PPP1R12B: variants seen among roughly 807,000 people sequenced by gnomAD.
The protein encoded by PPP1R12B is protein phosphatase 1 regulatory subunit 12B.
PPP1R12B carries 76 observed loss-of-function variants against 126.1 expected under a neutral mutation model. The observed-to-expected ratio is 0.60, with a 90% CI of 0.50 to 0.73. The LOEUF (loss-of-function observed/expected upper bound fraction) is 0.73. Ranked by LOEUF, PPP1R12B falls within the 30% of genes least tolerant of loss-of-function variation. The pLI is 0.00. For missense variants in PPP1R12B, 1,052 were observed against 1,205.1 expected, an observed-to-expected ratio of 0.87 and a Z score of 1.88; for synonymous variants, 356 against 434.7, an observed-to-expected ratio of 0.82 and a Z score of 2.25.
At chr1:202,399,016 G>A (rs189552185) in intron 1 of PPP1R12B, among the ~76,000 whole-genome samples, 1 of 152,062 alleles carries the variant, frequency 6.6e-6, no homozygotes, top group Admixed American at 6.5e-5. Context: ...AGGGAGATGA[G>A]CTTTTGAATC....
chr1:202,495,411 T>C lies in PPP1R12B; in HGVS notation c.2264T>C (p.Phe755Ser). ...TSSHLLWTNR[F>S]SVPDSESSET... is the part of the protein sequence containing the mutation. ...TCCCACCTGCTATGGACAAATAGAT[T>C]TTCAGTCCCTGATTCTGAGAGTTCA... is the stretch of plus-strand genomic sequence containing the variant. The change falls in exon 16 of 24, where the codon TTT becomes TCT. Residue 755 changes from phenylalanine (F) to serine (S), a missense_variant. Transcript: ENST00000608999. The C allele has an allele frequency of 6.2e-7, 1 of 1,611,716 alleles. No individual in the cohort carries two copies. Among genetic ancestry groups the C allele is most frequent in the East Asian group, 2.2e-5 (1 of 44,860 alleles).
intron 3 of PPP1R12B, among the ~76,000 whole-genome samples, chr1:202,424,601 G>A (rs1398678196): frequency 3.3e-5 from 5 of 152,270 alleles, no homozygotes; most frequent in East Asian, 1.9e-4. Flanking sequence ...GGGATTACAG[G>A]CATGAGACAC....
chr1:202,511,972 G>T (rs71635585), intron 18 of PPP1R12B, among the ~76,000 whole-genome samples: 23,046 of 151,996 alleles, frequency 0.15, 2,363 homozygotes, highest in Non-Finnish European at 0.23. Context: ...CAAGTAGACA[G>T]TTGTCAACTA....
chr1:202,393,445 TC>T (rs1558170248), intron 1 of PPP1R12B, among the ~76,000 whole-genome samples: 1 of 152,116 alleles, frequency 6.6e-6, no homozygotes, highest in Non-Finnish European at 1.5e-5. Context: ...CTTTTTTTTT[TC>T]CTTGAACCAA....
At chr1:202,372,244 C>T (rs751412665) in intron 1 of PPP1R12B, among the ~76,000 whole-genome samples, 6 of 152,048 alleles carry the variant, frequency 3.9e-5, no homozygotes, top group Non-Finnish European at 8.8e-5. Context: ...TGGCTCTTAT[C>T]TGTAATCTTA....
intron 13 of PPP1R12B, among the ~76,000 whole-genome samples, chr1:202,465,870 C>T (rs914788200): frequency 3.3e-5 from 5 of 152,132 alleles, no homozygotes; most frequent in Non-Finnish European, 7.3e-5. Flanking sequence ...GCTCATTAAT[C>T]ATTGACGTGT....
At chr1:202,460,295 G>T (rs1674148376) in intron 13 of PPP1R12B, among the ~76,000 whole-genome samples, 1 of 152,194 alleles carries the variant, frequency 6.6e-6, no homozygotes, top group Admixed American at 6.5e-5. Context: ...TCAAGATACA[G>T]TGAGTACTGG....
At chr1:202,402,995 A>G (rs889935322) in intron 1 of PPP1R12B, among the ~76,000 whole-genome samples, 3 of 152,224 alleles carry the variant, frequency 2.0e-5, no homozygotes, top group Non-Finnish European at 4.4e-5. Flanking sequence ...TTAATAGTGG[A>G]CGATAGCTTG....
At chr1:202,351,051 G>C (rs139673655) in intron 1 of PPP1R12B, among the ~76,000 whole-genome samples, 10 of 151,894 alleles carry the variant, frequency 6.6e-5, no homozygotes, top group Admixed American at 2.0e-4. Flanking sequence ...AAGTATACTC[G>C]ATTCTAGACA....
At chr1:202,439,943 CAA>C (rs746216974) in intron 10 of PPP1R12B, 68 of 120,104 alleles carry the variant, frequency 5.7e-4, no homozygotes, top group Non-Finnish European at 8.3e-4. Flanking sequence ...TCCTACCCTG[CAA>C]AAAAAAAAAA....
chr1:202,529,408 C>T (rs1403063548), intron 18 of PPP1R12B, among the ~76,000 whole-genome samples: 1 of 151,758 alleles, frequency 6.6e-6, no homozygotes, highest in African/African-American at 2.4e-5. Context: ...AAATTCACAA[C>T]TATGAAGACT....
At chr1:202,519,337 T>G (rs1012523649) in intron 18 of PPP1R12B, among the ~76,000 whole-genome samples, 10 of 152,124 alleles carry the variant, frequency 6.6e-5, no homozygotes, top group African/African-American at 2.4e-4. Context: ...TGATCTTGGC[T>G]CACTGCAGTC....
rs147269496 is a variant in PPP1R12B, at chr1:202,569,344, C to T, written c.2862+147C>T. 1,276 of 805,166 alleles carry T rather than the reference C, an allele frequency of 1.6e-3. 18 individuals are homozygous for T. In the East Asian group the frequency reaches 0.032, roughly 20 times the overall value. The allele number at this position is 805,166 out of a possible 1,614,324, so 49.9% of individuals were successfully genotyped here. The stretch of plus-strand genomic sequence containing the variant: ...ATGATGTGTAAAAAAGTGAGCATCT[C>T]TCCTCAGCCATTTCCTAGGCTCTCT... On this transcript the variant is annotated intron_variant, in intron 23 of 23. Coordinates refer to ENST00000608999, the MANE Select transcript of PPP1R12B (RefSeq NM_002481.4).
chr1:202,456,269 A>C (rs1337674535), intron 13 of PPP1R12B, among the ~76,000 whole-genome samples: 1 of 145,452 alleles, frequency 6.9e-6, no homozygotes, highest in Non-Finnish European at 1.5e-5. Context: ...AATCCGTCTC[A>C]AAAAAAAAAA....
At chr1:202,486,942 G>A (rs766052219) in intron 13 of PPP1R12B, among the ~76,000 whole-genome samples, 11 of 152,124 alleles carry the variant, frequency 7.2e-5, no homozygotes, top group Non-Finnish European at 1.0e-4. Flanking sequence ...GAGAACACTC[G>A]CAATTCATAT....
At chr1:202,405,618 C>T (rs1185614341) in intron 1 of PPP1R12B, among the ~76,000 whole-genome samples, 3 of 152,076 alleles carry the variant, frequency 2.0e-5, no homozygotes, top group African/African-American at 7.2e-5. Context: ...TGAAGTAGTT[C>T]TTATGATTGG....
intron 1 of PPP1R12B, among the ~76,000 whole-genome samples, chr1:202,372,705 C>A (rs1252574649): frequency 6.6e-6 from 1 of 151,334 alleles, no homozygotes; most frequent in African/African-American, 2.4e-5. Flanking sequence ...CCTGGGAATT[C>A]AGGTCTATAG....
At chr1:202,491,305 C>T (rs1414606540) in intron 14 of PPP1R12B, among the ~76,000 whole-genome samples, 2 of 152,120 alleles carry the variant, frequency 1.3e-5, no homozygotes. Flanking sequence ...CCCATCACCA[C>T]ACCTGGCTAA....
At chr1:202,521,572 G>T (rs1262237971) in intron 18 of PPP1R12B, among the ~76,000 whole-genome samples, 1 of 152,118 alleles carries the variant, frequency 6.6e-6, no homozygotes. Context: ...ATACAATATT[G>T]AAGTAAAAGA....
Sources: allele counts gnomAD v4.1 joint callset (sites outside exome capture counted in the v4.1 genomes callset), GRCh38; gene constraint gnomAD v4.1.1; transcripts MANE v1.5; gene names NCBI Gene and HGNC (gene_info 2026-07-23, HGNC 2026-07-21).